The following CC2D2A variants were observed in gnomAD, a reference collection of about 807,000 sequenced individuals.
The protein encoded by CC2D2A is coiled-coil and C2 domain-containing protein 2A.
CC2D2A carries 155 observed loss-of-function variants against 212.9 expected under a neutral mutation model. That is an observed-to-expected ratio of 0.73 (90% CI 0.64 to 0.83). The LOEUF (loss-of-function observed/expected upper bound fraction) is 0.83, where lower values mean the gene tolerates loss of function less well. CC2D2A is among the 40% of genes least tolerant of loss of function. The probability of loss-of-function intolerance (pLI) is 0.00; values close to 1 mark genes in which losing one functional copy is unlikely to be tolerated. For synonymous variants in CC2D2A, 667 were observed against 686.5 expected, an observed-to-expected ratio of 0.97 and a Z score of 0.44; for missense variants, 1,856 against 1,956.2, an observed-to-expected ratio of 0.95 and a Z score of 0.97.
intron 11 of CC2D2A, among the ~76,000 whole-genome samples, chr4:15,521,477 T>G (rs2109018319): frequency 6.6e-6 from 1 of 152,318 alleles, no homozygotes; most frequent in East Asian, 1.9e-4. Context: ...AGGCTTGCCT[T>G]TAAGAAAAAA....
chr4:15,592,413 A>T (rs1232166326), intron 33 of CC2D2A, among the ~76,000 whole-genome samples: 3 of 152,116 alleles, frequency 2.0e-5, no homozygotes, highest in African/African-American at 7.2e-5. Context: ...TCCTGACCAT[A>T]CTGCAGAAAT....
chr4:15,508,921 A>G (rs1178787529), intron 6 of CC2D2A, among the ~76,000 whole-genome samples: 1 of 152,226 alleles, frequency 6.6e-6, no homozygotes, highest in African/African-American at 2.4e-5. Context: ...GAATTGCTCA[A>G]AATTGCTTGA....
chr4:15,599,790 A>G (rs769064206), intron 36 of CC2D2A, 84 bp downstream of exon 36: 5 of 1,100,396 alleles, frequency 4.5e-6, no homozygotes, highest in Non-Finnish European at 6.3e-6. Context: ...TCTGGAATCA[A>G]AAGACCCACG....
intron 17 of CC2D2A, among the ~76,000 whole-genome samples, chr4:15,547,264 G>A (rs1242583114): frequency 2.0e-5 from 3 of 151,924 alleles, no homozygotes; most frequent in Non-Finnish European, 1.5e-5. Context: ...ATCAAATCAG[G>A]GTATTTAGAA....
chr4:15,470,895 C>T (rs1483121890), intron 1 of CC2D2A, among the ~76,000 whole-genome samples: 1 of 151,782 alleles, frequency 6.6e-6, no homozygotes, highest in Non-Finnish European at 1.5e-5. Context: ...GATAAGAGTA[C>T]AATGAGCTAA....
chr4:15,473,996 C>A (rs548161231), intron 1 of CC2D2A, among the ~76,000 whole-genome samples: 1 of 152,244 alleles, frequency 6.6e-6, no homozygotes, highest in South Asian at 2.1e-4. Context: ...ATACTTGAGT[C>A]TGGAGTTCTG....
intron 18 of CC2D2A, 147 bp from the exon 19 acceptor site, chr4:15,553,011 T>A (rs1365299472): frequency 4.9e-6 from 3 of 607,284 alleles, no homozygotes; most frequent in Non-Finnish European, 8.0e-6. Context: ...CCTGAAGAAA[T>A]TCAGTGACAC....
intron 15 of CC2D2A, 99 bp from the exon 16 acceptor site, chr4:15,537,800 G>A (rs1718212328): frequency 3.2e-6 from 4 of 1,261,102 alleles, no homozygotes; most frequent in African/African-American, 1.5e-5. Context: ...TTGAAATGGG[G>A]CTGGGGTTTG....
rs377575861 is a variant in CC2D2A at position 15,563,394 on chromosome 4, G to A, written c.3054G>A (p.Lys1018=). Residue 1018 remains lysine (K), a synonymous_variant, in exon 24 of 37, where the codon AAG becomes AAA. Transcript: ENST00000424120. ...GCCTTTTCAAGCTGGCAGAACAAAAGCGACCACTGCGGCCAAGGAGAAAAG... is the reference window on the plus strand; with the variant it reads ...GCCTTTTCAAGCTGGCAGAACAAAAACGACCACTGCGGCCAAGGAGAAAAG... ...GLSLFKLAEQ[K]RPLRPRRKGR... is the part of the protein sequence containing the mutation. 34 of 1,606,978 alleles carry A rather than the reference G, an allele frequency of 2.1e-5. 1 individual carries two copies. Among genetic ancestry groups the A allele is most frequent in the Middle Eastern group, 1.6e-4 (1 of 6,078 alleles).
At chr4:15,472,190 AATAATT>A (rs1248898713) in intron 1 of CC2D2A, among the ~76,000 whole-genome samples, 1 of 152,234 alleles carries the variant, frequency 6.6e-6, no homozygotes, top group Non-Finnish European at 1.5e-5. Context: ...TGTGACATTT[AATAATT>A]ATAACTTTGG....
At chr4:15,594,311 C>G (rs1382266795) in intron 33 of CC2D2A, among the ~76,000 whole-genome samples, 1 of 152,098 alleles carries the variant, frequency 6.6e-6, no homozygotes, top group Non-Finnish European at 1.5e-5. Context: ...AGCCCTTGCA[C>G]AATTAACTAC....
intron 17 of CC2D2A, among the ~76,000 whole-genome samples, chr4:15,544,432 C>T (rs1718608549): frequency 6.6e-6 from 1 of 152,176 alleles, no homozygotes; most frequent in Admixed American, 6.5e-5. Flanking sequence ...CCAAGATTAA[C>T]ATGAGAAGAC....
intron 33 of CC2D2A, 127 bp downstream of exon 33, chr4:15,589,806 T>G: frequency 1.0e-5 from 2 of 191,018 alleles, no homozygotes; most frequent in Non-Finnish European, 1.4e-5. Context: ...TATACACACA[T>G]ATATATATAC....
intron 13 of CC2D2A, among the ~76,000 whole-genome samples, chr4:15,531,041 C>T (rs909659103): frequency 2.6e-5 from 4 of 152,166 alleles, no homozygotes; most frequent in African/African-American, 9.7e-5. Flanking sequence ...CAGTCTTGAA[C>T]ACATAAAAAT....
chr4:15,550,710 C>A, intron 17 of CC2D2A, 114 bp from the exon 18 acceptor site: 1 of 653,616 alleles, frequency 1.5e-6, no homozygotes, highest in Non-Finnish European at 2.4e-6. Context: ...ATGAGATGAG[C>A]CCTTAGGGCT....
At chr4:15,506,917 CA>C (rs548757927) in intron 6 of CC2D2A, among the ~76,000 whole-genome samples, 48 of 143,574 alleles carry the variant, frequency 3.3e-4, no homozygotes, top group East Asian at 1.2e-3. Context: ...ACTAAAAATA[CA>C]AAAAAAAAAA....
In CC2D2A at chr4:15,527,540, T is replaced by A. The variant is rs777266288; in HGVS notation, c.1243T>A (p.Phe415Ile). 1 of 1,613,538 alleles carries A rather than the reference T, an allele frequency of 6.2e-7. No homozygotes were observed. Among genetic ancestry groups the A allele is most frequent in the South Asian group, 1.1e-5 (1 of 90,918 alleles). The change falls in exon 12 of 37, where the codon TTC (phenylalanine) becomes ATC (isoleucine). Residue 415 changes from phenylalanine to isoleucine, a missense_variant. Around this residue, in one of 5 missense-constraint regions of CC2D2A, gnomAD observed 1,512 missense variants for 1,579.3 expected, o/e 0.96. Coordinates refer to ENST00000424120, the MANE Select transcript of CC2D2A (RefSeq NM_001378615.1). ...GGACATTGATATTTCAGGGTTAATC[T>A]TCACTCATCATCCCTGTTTTAGCCG... ...QLDIDISGLI[F>I]THHPCFSREH... is the part of the protein sequence containing the mutation.
intron 31 of CC2D2A, among the ~76,000 whole-genome samples, chr4:15,587,571 C>G (rs950775741): frequency 4.6e-5 from 7 of 152,224 alleles, no homozygotes; most frequent in African/African-American, 7.2e-5. Context: ...CTCCCCGACC[C>G]TACCACAATC....
chr4:15,510,048 C>G lies in CC2D2A; in HGVS notation c.439-91C>G. On this transcript the variant is annotated intron_variant, in intron 6 of 36. Transcript: ENST00000424120. ...GATGCAGCAGCAGTCAGAAGATAAG[C>G]CTTTGGGATGGGGGGGTTAACCTTC... is the stretch of plus-strand genomic sequence containing the variant. 5.4e-6 allele frequency: 5 copies of G among 923,470 alleles called. 1 individual carries two copies. The highest frequency in any genetic ancestry group is 4.5e-5 in the South Asian group (3 of 66,670). The allele number at this position is 923,470 out of a possible 1,614,324, so 57.2% of individuals were successfully genotyped here.
Sources: allele counts gnomAD v4.1 joint callset (sites outside exome capture counted in the v4.1 genomes callset), GRCh38; gene constraint gnomAD v4.1.1; regional missense constraint gnomAD v4.1.1; transcripts MANE v1.5; gene names NCBI Gene and HGNC (gene_info 2026-07-23, HGNC 2026-07-21).